TFDP2: variants seen among roughly 807,000 people sequenced by gnomAD.
The protein encoded by TFDP2 is transcription factor Dp-2 (E2F dimerization partner 2).
In TFDP2, 17 loss-of-function variants were observed where a neutral mutation model predicts 59.3. The observed-to-expected ratio is 0.29, with a 90% CI of 0.20 to 0.43. TFDP2 has a LOEUF of 0.43. TFDP2 is among the 20% of genes least tolerant of loss of function. The pLI is 1.00. For missense variants in TFDP2, 391 were observed against 528.8 expected, an observed-to-expected ratio of 0.74 and a Z score of 2.56; for synonymous variants, 180 against 194.7, an observed-to-expected ratio of 0.92 and a Z score of 0.63.
At chr3:141,988,344 CT>C (rs1374564937) in intron 6 of TFDP2, among the ~76,000 whole-genome samples, 1 of 152,170 alleles carries the variant, frequency 6.6e-6, no homozygotes, top group Non-Finnish European at 1.5e-5. Flanking sequence ...AAGTCATGTG[CT>C]TTTTTCTGTA....
intron 3 of TFDP2, among the ~76,000 whole-genome samples, chr3:142,063,832 A>AC (rs1321342723): frequency 8.5e-6 from 1 of 118,238 alleles, no homozygotes; most frequent in Non-Finnish European, 2.0e-5. Context: ...CATAGCAGGT[A>AC]CTTAAAAAAA....
intron 5 of TFDP2, 32 bp downstream of exon 5, chr3:141,994,988 G>A (rs199762292): frequency 8.2e-5 from 124 of 1,507,976 alleles, no homozygotes; most frequent in Non-Finnish European, 1.0e-4. Flanking sequence ...TTTTTTTAAG[G>A]TTTTAAAAAT....
chr3:142,104,568 T>A (rs893695618), intron 1 of TFDP2, among the ~76,000 whole-genome samples: 5 of 152,286 alleles, frequency 3.3e-5, no homozygotes, highest in African/African-American at 7.2e-5. Flanking sequence ...AGGAATCAAC[T>A]ATTTTTTAGA....
intron 1 of TFDP2, among the ~76,000 whole-genome samples, chr3:142,134,456 C>A (rs990747038): frequency 6.6e-6 from 1 of 151,920 alleles, no homozygotes; most frequent in African/African-American, 2.4e-5. Context: ...AAGCTAATTG[C>A]GCAAAATTAA....
chr3:142,080,156 G>T (rs1321316273), intron 3 of TFDP2, among the ~76,000 whole-genome samples: 1 of 152,050 alleles, frequency 6.6e-6, no homozygotes, highest in Admixed American at 6.6e-5. Flanking sequence ...TAGAGATGGG[G>T]TTTTTGCCAT....
intron 8 of TFDP2, among the ~76,000 whole-genome samples, chr3:141,973,123 A>ATATATATATATATATATTTTTTT: frequency 3.4e-5 from 2 of 58,028 alleles, no homozygotes; most frequent in Non-Finnish European, 7.4e-5. Flanking sequence ...ATATATATAT[A>ATATATATATATATATATTTTTTT]TTTTTTTTTT....
intron 4 of TFDP2, among the ~76,000 whole-genome samples, chr3:141,995,869 G>A (rs1426132312): frequency 1.5e-5 from 1 of 68,722 alleles, no homozygotes; most frequent in Non-Finnish European, 2.8e-5. Flanking sequence ...GGCAAAAAGA[G>A]CAAAACTCCA....
chr3:141,980,756 G>A (rs1042434752), intron 6 of TFDP2, among the ~76,000 whole-genome samples: 34 of 152,088 alleles, frequency 2.2e-4, no homozygotes, highest in African/African-American at 4.6e-4. Context: ...GGCTGGTCTC[G>A]AACTCCTGAC....
At chr3:142,131,884 T>C (rs1455153811) in intron 1 of TFDP2, among the ~76,000 whole-genome samples, 2 of 148,358 alleles carry the variant, frequency 1.3e-5, no homozygotes, top group Non-Finnish European at 2.9e-5. Flanking sequence ...CACATGCCTG[T>C]AATCCCAGCT....
At chr3:142,034,866 C>T (rs752752810) in intron 3 of TFDP2, among the ~76,000 whole-genome samples, 18 of 152,118 alleles carry the variant, frequency 1.2e-4, no homozygotes, top group Non-Finnish European at 1.6e-4. Context: ...CGCCACCACA[C>T]CCAGCTAATT....
chr3:142,137,652 G>A (rs116168720), intron 1 of TFDP2, among the ~76,000 whole-genome samples: 12,854 of 152,084 alleles, frequency 0.085, 687 homozygotes, highest in Middle Eastern at 0.14. Context: ...GGTTTTTGTC[G>A]TTGGATCTGT....
chr3:142,040,353 G>C (rs987163841), intron 3 of TFDP2, among the ~76,000 whole-genome samples: 2 of 152,180 alleles, frequency 1.3e-5, no homozygotes, highest in African/African-American at 2.4e-5. Flanking sequence ...AGTACTTTGG[G>C]AAGCTTAGGC....
intron 3 of TFDP2, among the ~76,000 whole-genome samples, chr3:142,066,023 A>T (rs945683445): frequency 3.3e-5 from 5 of 152,172 alleles, no homozygotes; most frequent in Admixed American, 6.5e-5. Flanking sequence ...TCTAATACCA[A>T]TTCTCTACTC....
intron 3 of TFDP2, among the ~76,000 whole-genome samples, chr3:142,007,944 C>A (rs1176749005): frequency 6.6e-6 from 1 of 152,146 alleles, no homozygotes; most frequent in East Asian, 1.9e-4. Context: ...TGCTGTGTGG[C>A]CCAGCTCCTA....
intron 4 of TFDP2, chr3:141,995,366 C>T: frequency 2.6e-6 from 1 of 378,174 alleles, no homozygotes; most frequent in Non-Finnish European, 4.7e-6. Flanking sequence ...ATGCAGGTTT[C>T]AGCAAATAAA....
At chr3:142,019,685 C>T (rs1416661431) in intron 3 of TFDP2, among the ~76,000 whole-genome samples, 1 of 150,124 alleles carries the variant, frequency 6.7e-6, no homozygotes, top group Admixed American at 6.6e-5. Context: ...TTAAAGCCTT[C>T]ATTTTAAATT....
intron 3 of TFDP2, among the ~76,000 whole-genome samples, chr3:142,028,198 T>C (rs1946229931): frequency 1.3e-5 from 2 of 152,196 alleles, no homozygotes; most frequent in South Asian, 4.1e-4. Context: ...GCTTATTTTA[T>C]TAACTACTGG....
At chr3:141,973,130 T>A (rs1360166359) in intron 8 of TFDP2, among the ~76,000 whole-genome samples, 3 of 144,058 alleles carry the variant, frequency 2.1e-5, no homozygotes, top group African/African-American at 7.6e-5. Flanking sequence ...TATATTTTTT[T>A]TTTTTAAAGA....
At chr3:141,969,193 TA>T (rs1386484187) in intron 9 of TFDP2, among the ~76,000 whole-genome samples, 1 of 83,286 alleles carries the variant, frequency 1.2e-5, no homozygotes, top group African/African-American at 5.9e-5. Context: ...ATATATGAGA[TA>T]TATATATATA....
Sources: allele counts gnomAD v4.1 joint callset (sites outside exome capture counted in the v4.1 genomes callset), GRCh38; gene constraint gnomAD v4.1.1; transcripts MANE v1.5; gene names NCBI Gene and HGNC (gene_info 2026-07-23, HGNC 2026-07-21).